Variants in USP30 observed in about 807,000 individuals in gnomAD.
USP30 encodes the protein ubiquitin carboxyl-terminal hydrolase 30.
USP30 carries 41 observed loss-of-function variants against 68.2 expected under a neutral mutation model. The observed-to-expected ratio is 0.60, with a 90% CI of 0.47 to 0.78. USP30 has a LOEUF of 0.78. USP30 is among the 30% of genes least tolerant of loss of function. The pLI, the probability that USP30 is intolerant of heterozygous loss-of-function variation, is 0.00. For missense variants in USP30, 522 were observed against 649.4 expected, an observed-to-expected ratio of 0.80 and a Z score of 2.13; for synonymous variants, 229 against 253.7, an observed-to-expected ratio of 0.90 and a Z score of 0.93.
intron 7 of USP30, among the ~76,000 whole-genome samples, chr12:109,075,349 C>G (rs1377848719): frequency 6.6e-6 from 1 of 152,126 alleles, no homozygotes; most frequent in Non-Finnish European, 1.5e-5. Flanking sequence ...ACACTTGTTA[C>G]GTGCTGTCTT....
chr12:109,037,437 T>G (rs1299665428), intron 3 of USP30, among the ~76,000 whole-genome samples: 1 of 152,224 alleles, frequency 6.6e-6, no homozygotes, highest in Non-Finnish European at 1.5e-5. Flanking sequence ...ATTTTTACTG[T>G]TTTTCCCCCT....
chr12:109,071,297 A>G (rs1404778602), intron 4 of USP30, among the ~76,000 whole-genome samples: 1 of 152,230 alleles, frequency 6.6e-6, no homozygotes, highest in Non-Finnish European at 1.5e-5. Flanking sequence ...ACCACAATTA[A>G]CAAAAAACAT....
intron 4 of USP30, among the ~76,000 whole-genome samples, chr12:109,069,864 A>G (rs1345759017): frequency 2.0e-5 from 3 of 152,144 alleles, no homozygotes; most frequent in Non-Finnish European, 4.4e-5. Context: ...AAAGAGAGTG[A>G]AGTGTGTGGA....
At chr12:109,068,897 C>T (rs1019736484) in intron 4 of USP30, among the ~76,000 whole-genome samples, 8 of 152,314 alleles carry the variant, frequency 5.3e-5, no homozygotes, top group Admixed American at 2.6e-4. Context: ...TTATTATCAG[C>T]GATCCAGTCA....
At chr12:109,052,531 C>A, upstream of USP30, 1 of 673,432 alleles carries the variant, frequency 1.5e-6, no homozygotes, top group Non-Finnish European at 2.2e-6. Flanking sequence ...TCCGGTCCCC[C>A]TGGGAGCTGT....
At chr12:109,061,876 T>G (rs921473368) in intron 3 of USP30, among the ~76,000 whole-genome samples, 4 of 152,166 alleles carry the variant, frequency 2.6e-5, no homozygotes, top group Non-Finnish European at 5.9e-5. Flanking sequence ...CCCTTTTCTG[T>G]GCATTTGAAT....
At chr12:109,072,412 T>C (rs1217016612) in intron 6 of USP30, 62 bp downstream of exon 6, 4 of 1,545,022 alleles carry the variant, frequency 2.6e-6, no homozygotes, top group Non-Finnish European at 3.6e-6. Flanking sequence ...TGATAATAAT[T>C]TGCTTGTTTT....
rs2040882838 is a variant in USP30 at position 109,056,579 on chromosome 12, G to A, written c.84-103G>A. On this transcript the variant is annotated intron_variant, in intron 1 of 12. Coordinates refer to ENST00000257548, the MANE Select transcript of USP30 (RefSeq NM_032663.5). ...ATATGTTACTTTAACTTGCAATTAG[G>A]TATTTGGTGGGTTATTTTGACAAAA... is the stretch of plus-strand genomic sequence containing the variant. 4.4e-6 allele frequency: 3 copies of A among 689,604 alleles called. No homozygotes were observed. In the South Asian group the frequency reaches 6.4e-5, roughly 15 times the overall value. The allele number at this position is 689,604 out of a possible 1,614,324, so 42.7% of individuals were successfully genotyped here.
At chr12:109,039,572 A>G (rs1275420042) in intron 3 of USP30, among the ~76,000 whole-genome samples, 1 of 152,116 alleles carries the variant, frequency 6.6e-6, no homozygotes, top group African/African-American at 2.4e-5. Context: ...CCCGAGAAAA[A>G]ATGTGGGGTG....
At chr12:109,069,187 C>T (rs1208736288) in intron 4 of USP30, among the ~76,000 whole-genome samples, 1 of 152,270 alleles carries the variant, frequency 6.6e-6, no homozygotes, top group Non-Finnish European at 1.5e-5. Flanking sequence ...TCCCCCTCCT[C>T]TGCAGTGCTG....
chr12:109,029,170 T>A (rs1471229910), intron 3 of USP30, among the ~76,000 whole-genome samples: 1 of 152,206 alleles, frequency 6.6e-6, no homozygotes, highest in African/African-American at 2.4e-5. Context: ...AGAAAGATAC[T>A]GGCTGCAGCT....
chr12:109,056,359 A>G (rs543383403), intron 1 of USP30, among the ~76,000 whole-genome samples: 1 of 152,124 alleles, frequency 6.6e-6, no homozygotes, highest in South Asian at 2.1e-4. Flanking sequence ...CGGCCAGCTA[A>G]TTTTTGTGTT....
At chr12:109,043,074 C>A (rs1269035221) in intron 3 of USP30, among the ~76,000 whole-genome samples, 5 of 152,080 alleles carry the variant, frequency 3.3e-5, no homozygotes, top group African/African-American at 1.2e-4. Context: ...ATGAAAATCA[C>A]AAAATATTGC....
intron 2 of USP30, chr12:109,027,436 C>A (rs979888856): frequency 1.3e-5 from 2 of 152,140 alleles, no homozygotes; most frequent in Non-Finnish European, 2.9e-5. Flanking sequence ...CCATGCCCAG[C>A]TAAGTTTTAT....
intron 1 of USP30, among the ~76,000 whole-genome samples, chr12:109,056,076 T>A (rs2040867818): frequency 4.6e-5 from 7 of 152,160 alleles, no homozygotes; most frequent in Admixed American, 4.6e-4. Context: ...GCTGGTAACG[T>A]TCCATGTGGA....
rs2041836431 is a variant in USP30, at chr12:109,082,665, T to G, written c.870T>G (p.Ile290Met). ...RDVVCDNCTK[I>M]EAKGTLNGEK... is the part of the protein sequence containing the mutation. The stretch of plus-strand genomic sequence containing the variant: ...GAGAAATGTTCCTTTTATTTCAGAT[T>G]GAAGCCAAGGGAACGTTGAACGGGG... Residue 290 changes from isoleucine (I) to methionine (M), a missense_variant and splice_region_variant, in exon 10 of 13, where the codon ATT becomes ATG. Ile to Met is a conservative substitution (Grantham distance 10, BLOSUM62 1). Coordinates refer to ENST00000257548, the MANE Select transcript of USP30 (RefSeq NM_032663.5). 6.2e-7 allele frequency: 1 copy of G among 1,614,112 alleles called. No homozygotes were observed.
chr12:109,028,997 A>G (rs1171634792), intron 3 of USP30, among the ~76,000 whole-genome samples: 4 of 152,320 alleles, frequency 2.6e-5, no homozygotes, highest in Non-Finnish European at 5.9e-5. Flanking sequence ...GTATAATTAA[A>G]ATGTTGGCTT....
At position 109,058,089 on chromosome 12, in the gene USP30, ACT is replaced by A; in HGVS notation, c.360_361del (p.Leu121AlafsTer13). On this transcript the variant is annotated frameshift_variant, in exon 3 of 13. Transcript: ENST00000257548. LOFTEE classifies it high-confidence loss of function. ...PPSHQYLSLTLLHLLKALSCQ... is the reference protein window; with the variant it reads ...PPSHQYLSLTXLHLLKALSCQ... ...CCTCACACCAGTATTTATCCTTAAC[ACT>A]CTTGCACCTTCTGAAAGGTATCTAG... is the stretch of plus-strand genomic sequence containing the variant. 6.2e-7 allele frequency: 1 copy of A among 1,607,258 alleles called. No homozygotes were observed. Among genetic ancestry groups the A allele is most frequent in the Admixed American group, 1.7e-5 (1 of 58,132 alleles).
intron 3 of USP30, among the ~76,000 whole-genome samples, chr12:109,031,049 C>T (rs2040477175): frequency 6.6e-6 from 1 of 152,030 alleles, no homozygotes; most frequent in African/African-American, 2.4e-5. Context: ...TTACAACTCT[C>T]CTGTAAATCC....
Sources: gnomAD v4.1 joint callset for allele counts (sites outside exome capture counted in the v4.1 genomes callset) on GRCh38, gnomAD v4.1.1 for gene constraint, MANE v1.5 for transcripts, NCBI Gene and HGNC (gene_info 2026-07-23, HGNC 2026-07-21) for gene names.